TAGLN2: variants seen among roughly 807,000 people sequenced by gnomAD.
TAGLN2 encodes the protein transgelin-2.
TAGLN2 carries 14 observed loss-of-function variants against 24.9 expected under a neutral mutation model. That is an observed-to-expected ratio of 0.56 (90% CI 0.37 to 0.88). The LOEUF (loss-of-function observed/expected upper bound fraction) is 0.88. Ranked by LOEUF, TAGLN2 falls within the 40% of genes least tolerant of loss-of-function variation. The pLI, the probability that TAGLN2 is intolerant of heterozygous loss-of-function variation, is 0.00. For synonymous variants in TAGLN2, 77 were observed against 98.2 expected, an observed-to-expected ratio of 0.78 and a Z score of 1.28; for missense variants, 208 against 258.9, an observed-to-expected ratio of 0.80 and a Z score of 1.35.
chr1:159,923,357 T>A (rs1650595916), intron 1 of TAGLN2: 1 of 1,489,858 alleles, frequency 6.7e-7, no homozygotes, highest in African/African-American at 1.4e-5. Context: ...ACCCTCACCC[T>A]GGAGTTACAA....
At chr1:159,920,075 T>C in intron 2 of TAGLN2, 1 of 766,094 alleles carries the variant, frequency 1.3e-6, no homozygotes, top group East Asian at 2.7e-5. Flanking sequence ...CACAGTTCTT[T>C]CCTTAGAGAC....
At chr1:159,922,860 A>G (rs1436228781) in intron 1 of TAGLN2, among the ~76,000 whole-genome samples, 2 of 152,200 alleles carry the variant, frequency 1.3e-5, no homozygotes, top group African/African-American at 4.8e-5. Context: ...CTGGGTGGAA[A>G]GTGGATGCTG....
chr1:159,921,361 T>G lies in TAGLN2; in HGVS notation c.-28-824A>C, dbSNP rs942197309. ...AAAGTGGGAGATAGGTGAGTCAGAG[T>G]GGGAGAAGTAACAACAACAACAACA... On this transcript the variant is annotated intron_variant, in intron 1 of 4. Coordinates refer to ENST00000368097, the MANE Select transcript of TAGLN2 (RefSeq NM_003564.3). Among the ~76,000 whole-genome samples, 36 of 136,468 alleles carry G rather than the reference T, an allele frequency of 2.6e-4. 1 individual carries two copies. Among genetic ancestry groups the G allele is most frequent in the Non-Finnish European group, 1.2e-4 (7 of 59,772 alleles). 89.5% of individuals were successfully genotyped at this position (136,468 alleles called of 152,430 possible).
At chr1:159,921,685 G>A (rs974008417) in intron 1 of TAGLN2, among the ~76,000 whole-genome samples, 49 of 152,210 alleles carry the variant, frequency 3.2e-4, no homozygotes, top group African/African-American at 1.0e-3. Flanking sequence ...AAGGCAAGAC[G>A]GGGAAATACA....
rs149052064 is a variant in TAGLN2 at position 159,919,803 on chromosome 1, G to A, written c.213C>T (p.Pro71=). 1.4e-5 allele frequency: 22 copies of A among 1,614,122 alleles called. No homozygotes were observed. The highest frequency in any genetic ancestry group is 1.2e-4 in the African/African-American group (9 of 75,020). The change falls in exon 3 of 5, where the codon CCC becomes CCT. Residue 71 remains proline, a synonymous_variant. Coordinates refer to ENST00000368097, the MANE Select transcript of TAGLN2 (RefSeq NM_003564.3). ...VLCELINALY[P]EGQAPVKKIQ... is the part of the protein sequence containing the mutation. ...TCTTCTTTACTGGGGCCTGCCCCTC[G>A]GGGTACAGTGCATTAATGAGCTCAC...
chr1:159,919,446 A>G, intron 3 of TAGLN2, 70 bp from the exon 4 acceptor site: 2 of 1,512,928 alleles, frequency 1.3e-6, no homozygotes, highest in South Asian at 2.2e-5. Context: ...CTCTATCGCT[A>G]AGTCAGCAGG....
intron 1 of TAGLN2, chr1:159,923,378 A>G (rs1362024077): frequency 5.9e-6 from 9 of 1,536,012 alleles, no homozygotes; most frequent in Admixed American, 4.0e-5. Context: ...TAGGCGGGAA[A>G]CGGGGAGGGG....
At chr1:159,921,042 G>C (rs1206165660) in intron 1 of TAGLN2, among the ~76,000 whole-genome samples, 2 of 152,204 alleles carry the variant, frequency 1.3e-5, no homozygotes, top group African/African-American at 4.8e-5. Flanking sequence ...GCCTGGGAAG[G>C]CTTTCTGGAA....
Position 159,919,713 on chromosome 1 carries a change from C to T in TAGLN2, c.303G>A (p.Glu101=), listed in dbSNP as rs1156422819. 1.1e-5 allele frequency: 18 copies of T among 1,613,710 alleles called. No individual in the cohort carries two copies. The highest frequency in any genetic ancestry group is 1.4e-5 in the Non-Finnish European group (17 of 1,179,916). The change falls in exon 3 of 5, where the codon GAG becomes GAA. Residue 101 remains glutamate (E), a synonymous_variant. Transcript: ENST00000368097. ...EQISQFLQAA[E]RYGINTTDIF... is the part of the protein sequence containing the mutation. ...TGTCAGTGGTGTTAATGCCATAGCG[C>T]TCAGCTGCTTGCAGGAACTGAGAGA... is the stretch of plus-strand genomic sequence containing the variant.
intron 1 of TAGLN2, among the ~76,000 whole-genome samples, chr1:159,923,004 T>C (rs1468535502): frequency 1.3e-5 from 2 of 151,990 alleles, no homozygotes; most frequent in Admixed American, 1.3e-4. Context: ...TAGGGCGGGG[T>C]CCTGAGAAGG....
chr1:159,920,669 T>C (rs11265297), intron 1 of TAGLN2, 132 bp from the exon 2 acceptor site: 577,004 of 1,440,134 alleles, frequency 0.4, 119,152 homozygotes, highest in Non-Finnish European at 0.43. Context: ...ACCAGAACTG[T>C]TACCAAATGC....
intron 2 of TAGLN2, chr1:159,920,088 T>G (rs1650478051): frequency 2.6e-6 from 2 of 771,510 alleles, no homozygotes; most frequent in African/African-American, 3.4e-5. Context: ...TTAGAGACAT[T>G]CTTCCTCAGT....
chr1:159,919,408 C>T (rs746371871), intron 3 of TAGLN2, 32 bp from the exon 4 acceptor site: 14 of 1,605,274 alleles, frequency 8.7e-6, no homozygotes, highest in South Asian at 3.3e-5. Context: ...TGTCAGCCTC[C>T]GCAGTGTCCT....
chr1:159,925,471 G>A lies in TAGLN2; in HGVS notation c.-50C>T, dbSNP rs16842826. 10,931 of 152,350 alleles carry A rather than the reference G, an allele frequency of 0.072. 906 individuals carry two copies. Among genetic ancestry groups the A allele is most frequent in the African/African-American group, 0.2 (8,393 of 41,530 alleles). 9.4% of individuals were successfully genotyped at this position (152,350 alleles called of 1,614,324 possible). ...TCACCGTTCAAGCGGGCTGGAGAGC[G>A]GCGCACTGACTCAAGGCAAGGGCTG... is the stretch of plus-strand genomic sequence containing the variant. On this transcript the variant is annotated 5_prime_UTR_variant, in exon 1 of 5. Coordinates refer to ENST00000368097, the MANE Select transcript of TAGLN2 (RefSeq NM_003564.3).
rs1650425326 is a variant in TAGLN2, at chr1:159,918,811, G to A, written c.589C>T (p.Gln197Ter). 2 of 1,614,028 alleles carry A rather than the reference G, an allele frequency of 1.2e-6. No homozygotes were observed. Among genetic ancestry groups the A allele is most frequent in the East Asian group, 2.2e-5 (1 of 44,894 alleles). The change falls in exon 5 of 5, where the codon CAG becomes TAG. Residue 197 changes from glutamine (Q) to a stop codon, truncating the protein, a stop_gained. Coordinates refer to ENST00000368097, the MANE Select transcript of TAGLN2 (RefSeq NM_003564.3). LOFTEE classifies it high-confidence loss of function. ...GGCCTGGGGTGGGATCAGAGGATCT[G>A]GCGTGGCATCCCGTAGCCAGTCATG... ...AGMTGYGMPR[Q>*]IL is the part of the protein sequence containing the mutation.
chr1:159,918,795 T>A lies in TAGLN2; in HGVS notation c.*5A>T. The A allele has an allele frequency of 6.2e-7, 1 of 1,613,776 alleles. No individual in the cohort carries two copies. Among genetic ancestry groups the A allele is most frequent in the Non-Finnish European group, 8.5e-7 (1 of 1,179,790 alleles). On this transcript the variant is annotated 3_prime_UTR_variant, in exon 5 of 5. Coordinates refer to ENST00000368097, the MANE Select transcript of TAGLN2 (RefSeq NM_003564.3). ...GGGAGGGCAGGGGCAAGGCCTGGGG[T>A]GGGATCAGAGGATCTGGCGTGGCAT...
At chr1:159,922,396 G>A (rs1307737658) in intron 1 of TAGLN2, among the ~76,000 whole-genome samples, 1 of 152,170 alleles carries the variant, frequency 6.6e-6, no homozygotes, top group African/African-American at 2.4e-5. Flanking sequence ...ATAAATGTCA[G>A]TCTGGGCCCC....
rs1650403499 is a variant in TAGLN2, at chr1:159,918,210, C to T, written c.*590G>A. ...TCCCTCTCCATCCCCTCACCCCACC[C>T]CTTAGCCACAGTGAAGGGAATGGAA... On this transcript the variant is annotated 3_prime_UTR_variant, in exon 5 of 5. Coordinates refer to ENST00000368097, the MANE Select transcript of TAGLN2 (RefSeq NM_003564.3). 1 of 152,476 alleles carries T rather than the reference C, an allele frequency of 6.6e-6. No individual in the cohort carries two copies. The highest frequency in any genetic ancestry group is 6.5e-5 in the Admixed American group (1 of 15,302). The allele number at this position is 152,476 out of a possible 1,614,324, so 9.4% of individuals were successfully genotyped here. A position where few individuals can be genotyped will look rare whatever the true frequency, so the allele number is the denominator to read the frequency against.
At position 159,918,560 on chromosome 1, in the gene TAGLN2, G is replaced by A. The variant is rs1461613401; in HGVS notation, c.*240C>T. On this transcript the variant is annotated 3_prime_UTR_variant, in exon 5 of 5. Transcript: ENST00000368097. ...CTGAGGCCCCTAAATTTTGGTCCCA[G>A]GGGAAAGGAAGAGGCCAGTTGGTCC... The A allele has an allele frequency of 2.0e-6, 1 of 507,916 alleles. No individual in the cohort carries two copies. Among genetic ancestry groups the A allele is most frequent in the African/African-American group, 1.9e-5 (1 of 51,348 alleles). 31.5% of individuals were successfully genotyped at this position (507,916 alleles called of 1,614,324 possible).
Sources: gnomAD v4.1 joint callset for allele counts (sites outside exome capture counted in the v4.1 genomes callset) on GRCh38, gnomAD v4.1.1 for gene constraint, MANE v1.5 for transcripts, NCBI Gene and HGNC (gene_info 2026-07-23, HGNC 2026-07-21) for gene names.